FAF1: variants seen among roughly 807,000 people sequenced by gnomAD.
FAF1 encodes Fas associated factor 1.
In FAF1, 25 loss-of-function variants were observed where a neutral mutation model predicts 92.5. The ratio of observed to expected loss-of-function variants is 0.27; its 90% CI spans 0.20 to 0.38. The LOEUF (loss-of-function observed/expected upper bound fraction) is 0.38. Ranked by LOEUF, FAF1 falls within the 10% of genes least tolerant of loss-of-function variation. FAF1 has a pLI of 1.00. For missense variants in FAF1, 636 were observed against 793.3 expected (o/e 0.80, Z 2.38); for synonymous variants, 234 against 273.2 (o/e 0.86, Z 1.42).
intron 8 of FAF1, among the ~76,000 whole-genome samples, chr1:50,618,414 G>GTTTTTTT (rs540421778): frequency 2.1e-4 from 24 of 111,900 alleles, no homozygotes; most frequent in Non-Finnish European, 2.7e-4. Flanking sequence ...AGTTTTTAGA[G>GTTTTTTT]TTTTTTTTTT....
intron 17 of FAF1, among the ~76,000 whole-genome samples, chr1:50,487,064 T>C (rs1040240020): frequency 6.6e-5 from 10 of 152,324 alleles, no homozygotes; most frequent in African/African-American, 2.4e-4. Flanking sequence ...CTGTCATACA[T>C]AACTTGCCAT....
intron 1 of FAF1, among the ~76,000 whole-genome samples, chr1:50,860,402 A>G (rs1644422714): frequency 6.6e-6 from 1 of 151,694 alleles, no homozygotes; most frequent in Non-Finnish European, 1.5e-5. Context: ...TTAAATCAAC[A>G]AGCAAAAGAC....
chr1:50,811,068 C>T (rs1300494377), intron 2 of FAF1, among the ~76,000 whole-genome samples: 1 of 151,958 alleles, frequency 6.6e-6, no homozygotes, highest in Non-Finnish European at 1.5e-5. Flanking sequence ...GGCATGGTGG[C>T]TCATGGCTGT....
At chr1:50,742,218 G>A (rs756876929) in intron 5 of FAF1, among the ~76,000 whole-genome samples, 7 of 152,034 alleles carry the variant, frequency 4.6e-5, no homozygotes, top group Non-Finnish European at 7.4e-5. Context: ...GAAGGCTGAG[G>A]TAGAAGCATC....
At chr1:50,490,302 A>G (rs1646815575) in intron 17 of FAF1, among the ~76,000 whole-genome samples, 1 of 151,832 alleles carries the variant, frequency 6.6e-6, no homozygotes, top group South Asian at 2.1e-4. Context: ...GGAGGCTACA[A>G]CGAGCCGAGA....
chr1:50,836,168 C>CTTTTTTTT (rs1644200011), intron 2 of FAF1, among the ~76,000 whole-genome samples: 1 of 75,538 alleles, frequency 1.3e-5, no homozygotes, highest in African/African-American at 5.7e-5. Flanking sequence ...TTTTTTGTTT[C>CTTTTTTTT]TGTTTTTTTT....
intron 4 of FAF1, among the ~76,000 whole-genome samples, chr1:50,769,968 T>C (rs1660719907): frequency 6.6e-6 from 1 of 152,100 alleles, no homozygotes; most frequent in African/African-American, 2.4e-5. Flanking sequence ...AGAGAATCAC[T>C]TGAACCCGGG....
chr1:50,675,342 T>G lies in FAF1; in HGVS notation c.658-19814A>C, dbSNP rs1656072923. ...CTAGAGCAGCAGTCGAAAATGCAAATTTCAAGAGCCGCCCAGTAAGTAACA... is the reference window on the plus strand; with the variant it reads ...CTAGAGCAGCAGTCGAAAATGCAAAGTTCAAGAGCCGCCCAGTAAGTAACA... On this transcript the variant is annotated intron_variant, in intron 7 of 18. Transcript: ENST00000396153. 3.9e-5 allele frequency among the ~76,000 whole-genome samples: 6 copies of G among 152,326 alleles called. No homozygotes were observed. In the South Asian group the frequency reaches 1.0e-3, roughly 26 times the overall value.
At chr1:50,951,366 C>A (rs1175799305) in intron 1 of FAF1, among the ~76,000 whole-genome samples, 1 of 152,232 alleles carries the variant, frequency 6.6e-6, no homozygotes, top group Non-Finnish European at 1.5e-5. Context: ...AAGTTCCCAA[C>A]AGAGAACAAG....
At chr1:50,595,703 T>G (rs1239019431) in intron 9 of FAF1, among the ~76,000 whole-genome samples, 1 of 151,764 alleles carries the variant, frequency 6.6e-6, no homozygotes, top group Non-Finnish European at 1.5e-5. Flanking sequence ...CCACCACACC[T>G]GGCTAATTTT....
chr1:50,612,469 G>C, intron 8 of FAF1: 2 of 1,083,682 alleles, frequency 1.8e-6, no homozygotes, highest in Non-Finnish European at 2.3e-6. Context: ...CTTCAAATAT[G>C]CAAGGATACA....
At chr1:50,571,061 A>G (rs1650414574) in intron 12 of FAF1, among the ~76,000 whole-genome samples, 2 of 152,230 alleles carry the variant, frequency 1.3e-5, no homozygotes, top group Admixed American at 6.5e-5. Context: ...GTACCTATGT[A>G]TTAGCGATTG....
At chr1:50,571,869 T>C (rs1470336458) in intron 12 of FAF1, among the ~76,000 whole-genome samples, 1 of 152,210 alleles carries the variant, frequency 6.6e-6, no homozygotes, top group Non-Finnish European at 1.5e-5. Context: ...AAGGAAATAT[T>C]TGCTGATGAA....
chr1:50,809,350 C>T (rs1328826625), intron 2 of FAF1, among the ~76,000 whole-genome samples: 1 of 151,850 alleles, frequency 6.6e-6, no homozygotes, highest in Non-Finnish European at 1.5e-5. Context: ...ATAAATAAAA[C>T]TGACATAATA....
chr1:50,793,696 A>G (rs1661643882), intron 3 of FAF1, among the ~76,000 whole-genome samples: 1 of 152,224 alleles, frequency 6.6e-6, no homozygotes, highest in Non-Finnish European at 1.5e-5. Context: ...AGGGTAGACT[A>G]ATACCTTCAT....
chr1:50,907,448 A>G (rs570852487), intron 1 of FAF1, among the ~76,000 whole-genome samples: 31 of 152,338 alleles, frequency 2.0e-4, no homozygotes, highest in African/African-American at 6.7e-4. Context: ...TAATTTCAGA[A>G]GGAATGGAAC....
chr1:50,507,769 A>T (rs940169326), intron 15 of FAF1, among the ~76,000 whole-genome samples: 5 of 152,232 alleles, frequency 3.3e-5, no homozygotes, highest in Non-Finnish European at 7.3e-5. Flanking sequence ...TGATTTGAGC[A>T]GTGAAAGGTT....
rs148575181 is a variant in FAF1, at chr1:50,924,361, G to A, written c.45+35406C>T. The stretch of plus-strand genomic sequence containing the variant: ...ACAACCTAGGAATCAATTTAATCAA[G>A]AAGGTAAAAGACCTCTGCAATGAAA... On this transcript the variant is annotated intron_variant, in intron 1 of 18. Transcript: ENST00000396153. Among the ~76,000 whole-genome samples, 964 of 146,442 alleles carry A rather than the reference G, an allele frequency of 6.6e-3. 4 individuals are homozygous for A. The highest frequency in any genetic ancestry group is 0.01 in the Non-Finnish European group (689 of 66,530).
At chr1:50,660,701 C>T (rs1013358633) in intron 7 of FAF1, among the ~76,000 whole-genome samples, 1 of 151,978 alleles carries the variant, frequency 6.6e-6, no homozygotes, top group African/African-American at 2.4e-5. Flanking sequence ...ACCATGTTGG[C>T]CAGGCTAGTC....
Sources: gnomAD v4.1 joint callset for allele counts (sites outside exome capture counted in the v4.1 genomes callset) on GRCh38, gnomAD v4.1.1 for gene constraint, MANE v1.5 for transcripts, NCBI Gene and HGNC (gene_info 2026-07-23, HGNC 2026-07-21) for gene names.